Variants in CNR2 observed in about 807,000 individuals in gnomAD.
The protein encoded by CNR2 is cannabinoid receptor 2.
For synonymous variants in CNR2, 172 were observed against 182.2 expected (o/e 0.94, Z 0.45); for missense variants, 379 against 439.9 (o/e 0.86, Z 1.24).
chr1:23,900,280 A>T (rs1385835476), intron 1 of CNR2, among the ~76,000 whole-genome samples: 1 of 152,100 alleles, frequency 6.6e-6, no homozygotes, highest in Non-Finnish European at 1.5e-5. Flanking sequence ...TGTCCTTAAA[A>T]ACTCTGATCC....
intron 1 of CNR2, among the ~76,000 whole-genome samples, chr1:23,908,921 G>A (rs924673258): frequency 3.9e-5 from 6 of 152,112 alleles, no homozygotes; most frequent in African/African-American, 1.4e-4. Flanking sequence ...GCCTCTGAGA[G>A]ACAGGTGGGG....
rs1290118952 is a variant in CNR2 at position 23,872,067 on chromosome 1, A to C, written c.*2468T>G. On this transcript the variant is annotated 3_prime_UTR_variant, in exon 2 of 2. Transcript: ENST00000374472. ...AGAATCACTTGAACCTGAGAGGTGG[A>C]GGTTGCAGTGAGCCAAGATCATGTC... 7.9e-6 allele frequency: 1 copy of C among 126,524 alleles called. No homozygotes were observed. Among genetic ancestry groups the C allele is most frequent in the African/African-American group, 2.9e-5 (1 of 34,026 alleles). 7.8% of individuals were successfully genotyped at this position (126,524 alleles called of 1,614,324 possible).
Position 23,888,001 on chromosome 1 carries a change from G to T in CNR2, c.-45-12339C>A, listed in dbSNP as rs533809400. On this transcript the variant is annotated intron_variant, in intron 1 of 1. Transcript: ENST00000374472. The stretch of plus-strand genomic sequence containing the variant: ...CAAATAAGCATAAGCTGCAAACCAA[G>T]TTTTCCCAGAGATGTAAGACATGTT... Among the ~76,000 whole-genome samples, 8 of 152,264 alleles carry T rather than the reference G, an allele frequency of 5.3e-5. No homozygotes were observed. The South Asian group carries it at 8.3e-4, about 16-fold the overall frequency.
intron 1 of CNR2, among the ~76,000 whole-genome samples, chr1:23,904,921 G>T (rs1640462220): frequency 6.6e-6 from 1 of 152,130 alleles, no homozygotes; most frequent in Admixed American, 6.6e-5. Context: ...CCTCTTCCTG[G>T]TTTGGCCAGA....
In CNR2 at chr1:23,874,374, T is replaced by C. The variant is rs201694312; in HGVS notation, c.*161A>G. Reference sequence around the variant, plus strand: ...TGTGTGCAGGTGGGCAAGGCCAGGCTGTCTTCCAGGAGTCAGTCCCAACAC... The same window carrying C: ...TGTGTGCAGGTGGGCAAGGCCAGGCCGTCTTCCAGGAGTCAGTCCCAACAC... On this transcript the variant is annotated 3_prime_UTR_variant, in exon 2 of 2. Coordinates refer to ENST00000374472, the MANE Select transcript of CNR2 (RefSeq NM_001841.3). 561 of 775,128 alleles carry C rather than the reference T, an allele frequency of 7.2e-4. 3 individuals are homozygous for C. The African/African-American group carries it at 8.6e-3, about 12-fold the overall frequency. 48.0% of individuals were successfully genotyped at this position (775,128 alleles called of 1,614,324 possible).
chr1:23,895,697 G>A (rs1255393976), intron 1 of CNR2, among the ~76,000 whole-genome samples: 25 of 152,106 alleles, frequency 1.6e-4, no homozygotes, highest in Admixed American at 1.6e-3. Context: ...TAGTGGAGAC[G>A]GGGTTTCATA....
chr1:23,882,413 C>T (rs574493812), intron 1 of CNR2, among the ~76,000 whole-genome samples: 12 of 152,070 alleles, frequency 7.9e-5, no homozygotes, highest in African/African-American at 2.7e-4. Flanking sequence ...TTCATAAAGG[C>T]GATTAGAAGA....
chr1:23,888,851 C>T (rs1179338747), intron 1 of CNR2, among the ~76,000 whole-genome samples: 1 of 152,032 alleles, frequency 6.6e-6, no homozygotes, highest in African/African-American at 2.4e-5. Context: ...TGCCTGTAAT[C>T]CCAGCTATTC....
chr1:23,900,891 T>C (rs1352654221), intron 1 of CNR2, among the ~76,000 whole-genome samples: 1 of 152,108 alleles, frequency 6.6e-6, no homozygotes, highest in Non-Finnish European at 1.5e-5. Context: ...CCTTAAAATC[T>C]CTGATCCTCG....
chr1:23,903,245 T>G (rs959528854), intron 1 of CNR2, among the ~76,000 whole-genome samples: 5 of 151,952 alleles, frequency 3.3e-5, no homozygotes, highest in African/African-American at 1.2e-4. Flanking sequence ...CTCTGACACA[T>G]GCCAGCATCC....
intron 1 of CNR2, among the ~76,000 whole-genome samples, chr1:23,885,918 G>C (rs931986021): frequency 1.3e-5 from 2 of 150,710 alleles, no homozygotes; most frequent in Non-Finnish European, 3.0e-5. Flanking sequence ...GGCCAGGCAC[G>C]GTGGCTCACA....
intron 1 of CNR2, among the ~76,000 whole-genome samples, chr1:23,891,275 TTG>T (rs57856234): frequency 7.3e-5 from 11 of 150,432 alleles, no homozygotes; most frequent in African/African-American, 2.4e-4. Context: ...ACCAAATCTT[TTG>T]TGTGTGTGTG....
chr1:23,875,872 A>C (rs1193277106), intron 1 of CNR2, among the ~76,000 whole-genome samples: 1 of 151,942 alleles, frequency 6.6e-6, no homozygotes, highest in Admixed American at 6.6e-5. Context: ...GGTACGTGGG[A>C]ATGCAACAAG....
At chr1:23,900,044 T>G (rs1366625877) in intron 1 of CNR2, among the ~76,000 whole-genome samples, 1 of 150,802 alleles carries the variant, frequency 6.6e-6, no homozygotes, top group Admixed American at 6.6e-5. Context: ...GGCTACAAGA[T>G]TCTGACCCTC....
chr1:23,909,771 G>A (rs1311220670), intron 1 of CNR2, among the ~76,000 whole-genome samples: 2 of 152,070 alleles, frequency 1.3e-5, no homozygotes, highest in African/African-American at 2.4e-5. Context: ...CCTGGCGAGC[G>A]ACACAGTAAA....
chr1:23,882,530 G>A (rs753259503), intron 1 of CNR2, among the ~76,000 whole-genome samples: 1 of 152,060 alleles, frequency 6.6e-6, no homozygotes, highest in Middle Eastern at 3.2e-3. Context: ...ATACTATCAG[G>A]TGCGGTGGCT....
rs1001430694 is a variant in CNR2, at chr1:23,873,233, G to T, written c.*1302C>A. On this transcript the variant is annotated 3_prime_UTR_variant, in exon 2 of 2. Coordinates refer to ENST00000374472, the MANE Select transcript of CNR2 (RefSeq NM_001841.3). ...CTCATATGAAAAATGAGTACCCTGG[G>T]ATCTATTTTATTTTATTTTTTTGAG... 4 of 126,200 alleles carry T rather than the reference G, an allele frequency of 3.2e-5. No individual in the cohort carries two copies. The highest frequency in any genetic ancestry group is 4.9e-5 in the Non-Finnish European group (3 of 60,936). 7.8% of individuals were successfully genotyped at this position (126,200 alleles called of 1,614,324 possible). A position where few individuals can be genotyped will look rare whatever the true frequency, so the allele number is the denominator to read the frequency against.
chr1:23,886,734 T>G (rs1640097094), intron 1 of CNR2, among the ~76,000 whole-genome samples: 1 of 152,130 alleles, frequency 6.6e-6, no homozygotes, highest in Non-Finnish European at 1.5e-5. Flanking sequence ...CAGAAAACAG[T>G]CCAAGAATGG....
chr1:23,884,823 TAG>T (rs1640059857), intron 1 of CNR2, among the ~76,000 whole-genome samples: 2 of 149,674 alleles, frequency 1.3e-5, no homozygotes, highest in African/African-American at 4.9e-5. Context: ...TTTTTTGAGA[TAG>T]AGTCTCACTC....
Sources: allele counts gnomAD v4.1 joint callset (sites outside exome capture counted in the v4.1 genomes callset), GRCh38; gene constraint gnomAD v4.1.1; transcripts MANE v1.5; gene names NCBI Gene and HGNC (gene_info 2026-07-23, HGNC 2026-07-21).